The following GRAMD2B variants were observed in gnomAD, a reference collection of about 807,000 sequenced individuals.
The protein encoded by GRAMD2B is GRAM domain containing 2B.
A neutral mutation model predicts 59.2 loss-of-function variants in GRAMD2B; 41 were observed. The ratio of observed to expected loss-of-function variants is 0.69; its 90% CI spans 0.54 to 0.90. The LOEUF (loss-of-function observed/expected upper bound fraction) is 0.90, where lower values mean the gene tolerates loss of function less well. Among genes scored for constraint, GRAMD2B ranks in the 40% least tolerant of loss-of-function variants. GRAMD2B has a pLI of 0.00. For missense variants in GRAMD2B, 424 were observed against 500.5 expected (o/e 0.85, Z 1.46); for synonymous variants, 161 against 182.7 (o/e 0.88, Z 0.96).
In GRAMD2B at chr5:126,493,079, T is replaced by C. The variant is rs1377680474; in HGVS notation, c.*123T>C. 7.1e-6 allele frequency: 5 copies of C among 700,432 alleles called. No individual in the cohort carries two copies. In the African/African-American group the frequency reaches 8.9e-5, roughly 13 times the overall value. The allele number at this position is 700,432 out of a possible 1,614,324, so 43.4% of individuals were successfully genotyped here. ...GTGCAAGCAGATGAGAATCCAGACA[T>C]TGCATGTGGAGGTCTCCAGCTCAGG... is the stretch of plus-strand genomic sequence containing the variant. On this transcript the variant is annotated 3_prime_UTR_variant, in exon 14 of 14. Transcript: ENST00000285689.
chr5:126,462,408 CAT>C (rs758363705), intron 1 of GRAMD2B: 12 of 985,194 alleles, frequency 1.2e-5, no homozygotes, highest in Non-Finnish European at 1.4e-5. Context: ...TTGAATTCTA[CAT>C]AGTTTCAGTC....
At chr5:126,428,314 G>A (rs984495865) in intron 1 of GRAMD2B, among the ~76,000 whole-genome samples, 1 of 151,914 alleles carries the variant, frequency 6.6e-6, no homozygotes, top group Non-Finnish European at 1.5e-5. Context: ...CTAAATATGG[G>A]CCTTCAATAT....
intron 1 of GRAMD2B, among the ~76,000 whole-genome samples, chr5:126,424,539 C>T (rs1580897409): frequency 6.6e-6 from 1 of 152,286 alleles, no homozygotes; most frequent in Non-Finnish European, 1.5e-5. Context: ...CTTAGAAACC[C>T]GGTCTAACTT....
In GRAMD2B at chr5:126,441,676, A is replaced by G. The variant is rs184669545; in HGVS notation, c.83+17987A>G. Among the ~76,000 whole-genome samples, 12 of 152,348 alleles carry G rather than the reference A, an allele frequency of 7.9e-5. No individual in the cohort carries two copies. In the East Asian group the frequency reaches 2.3e-3, roughly 29 times the overall value. ...GCAACATTTCACAATTACCACTGCA[A>G]TGGCTAGTCCTGGTATAAGTTTTTT... is the stretch of plus-strand genomic sequence containing the variant. On this transcript the variant is annotated intron_variant, in intron 1 of 13. Coordinates refer to ENST00000285689, the MANE Select transcript of GRAMD2B (RefSeq NM_023927.4).
intron 1 of GRAMD2B, among the ~76,000 whole-genome samples, chr5:126,440,152 T>C (rs138325052): frequency 1.3e-5 from 2 of 152,268 alleles, no homozygotes; most frequent in East Asian, 3.9e-4. Context: ...AGTTACAGAC[T>C]AGCATCAAAA....
chr5:126,366,576 G>T (rs1754445746), upstream of GRAMD2B, among the ~76,000 whole-genome samples: 1 of 152,106 alleles, frequency 6.6e-6, no homozygotes, highest in Admixed American at 6.5e-5. Context: ...ACAATTTTTT[G>T]AGATAGATAT....
chr5:126,434,388 C>T (rs1355353349), intron 1 of GRAMD2B, among the ~76,000 whole-genome samples: 2 of 152,144 alleles, frequency 1.3e-5, no homozygotes, highest in African/African-American at 4.8e-5. Context: ...CTCTATTGTA[C>T]ATTATGGTAA....
At chr5:126,404,656 G>A (rs1758115628) in intron 1 of GRAMD2B, among the ~76,000 whole-genome samples, 1 of 151,764 alleles carries the variant, frequency 6.6e-6, no homozygotes, top group Non-Finnish European at 1.5e-5. Context: ...GGAAAATTTG[G>A]AAAGTCATTA....
chr5:126,418,324 A>G (rs543214182), intron 1 of GRAMD2B, among the ~76,000 whole-genome samples: 1 of 152,368 alleles, frequency 6.6e-6, no homozygotes, highest in East Asian at 1.9e-4. Context: ...TTTCTGTGGC[A>G]TCATTTATTT....
intron 1 of GRAMD2B, among the ~76,000 whole-genome samples, chr5:126,411,841 G>GGTTGTGTGTGTGT (rs1554075530): frequency 6.7e-6 from 1 of 148,768 alleles, no homozygotes; most frequent in Non-Finnish European, 1.5e-5. Flanking sequence ...ATATATTTCT[G>GGTTGTGTGTGTGT]GTGTGTGTGT....
At chr5:126,420,784 C>A (rs762008000), upstream of GRAMD2B, among the ~76,000 whole-genome samples, 1 of 151,844 alleles carries the variant, frequency 6.6e-6, no homozygotes, top group Non-Finnish European at 1.5e-5. Flanking sequence ...ATTTGCACAC[C>A]CATGTTCATA....
chr5:126,392,248 T>C (rs1756879863), intron 1 of GRAMD2B, among the ~76,000 whole-genome samples: 2 of 152,198 alleles, frequency 1.3e-5, no homozygotes, highest in South Asian at 2.1e-4. Context: ...GAAGGACTCA[T>C]AGAACTCACC....
intron 1 of GRAMD2B, among the ~76,000 whole-genome samples, chr5:126,406,250 A>C (rs1429806174): frequency 2.0e-5 from 3 of 152,000 alleles, no homozygotes; most frequent in Non-Finnish European, 2.9e-5. Context: ...GATATACCTA[A>C]TGTTAAATGA....
chr5:126,395,562 A>G (rs1010010033), intron 1 of GRAMD2B, among the ~76,000 whole-genome samples: 3 of 152,244 alleles, frequency 2.0e-5, no homozygotes, highest in Non-Finnish European at 4.4e-5. Flanking sequence ...ACTTGCATTC[A>G]CAAACATTCA....
intron 1 of GRAMD2B, among the ~76,000 whole-genome samples, chr5:126,431,177 G>A (rs1443494206): frequency 6.6e-6 from 1 of 151,838 alleles, no homozygotes; most frequent in Admixed American, 6.6e-5. Flanking sequence ...TTATTGATTA[G>A]TTTTCTTTTT....
At chr5:126,360,540 C>G in intron 1 of GRAMD2B, 1 of 1,360,752 alleles carries the variant, frequency 7.3e-7, no homozygotes, top group South Asian at 1.4e-5. Context: ...TTTTTGGTAT[C>G]TTAAGGACAG....
Position 126,480,710 on chromosome 5 carries a change from A to G in GRAMD2B, c.735+3A>G, listed in dbSNP as rs1218474162. 1 of 1,612,862 alleles carries G rather than the reference A, an allele frequency of 6.2e-7. No individual in the cohort carries two copies. Among genetic ancestry groups the G allele is most frequent in the Admixed American group, 1.7e-5 (1 of 60,026 alleles). On this transcript the variant is annotated splice_donor_region_variant and intron_variant, in intron 8 of 13. Transcript: ENST00000285689. The stretch of plus-strand genomic sequence containing the variant: ...ACCGCCCTTCATCTCTGCCTCTGGT[A>G]AGTTGCCCACATAACTATCTAAATG...
chr5:126,478,442 A>G (rs1284115899), intron 6 of GRAMD2B, among the ~76,000 whole-genome samples: 1 of 151,992 alleles, frequency 6.6e-6, no homozygotes, highest in Non-Finnish European at 1.5e-5. Context: ...TGTCTCAAAG[A>G]AAAAGAAAAA....
chr5:126,465,900 G>GA (rs1428847090), intron 2 of GRAMD2B, among the ~76,000 whole-genome samples: 3 of 152,124 alleles, frequency 2.0e-5, no homozygotes, highest in African/African-American at 2.4e-5. Flanking sequence ...TAGGGGCCGT[G>GA]AAAAAAAGCC....
Sources: gnomAD v4.1 joint callset for allele counts (sites outside exome capture counted in the v4.1 genomes callset) on GRCh38, gnomAD v4.1.1 for gene constraint, MANE v1.5 for transcripts, NCBI Gene and HGNC (gene_info 2026-07-23, HGNC 2026-07-21) for gene names.